COA5: variants seen among roughly 807,000 people sequenced by gnomAD.
The protein encoded by COA5 is cytochrome c oxidase assembly factor 5.
Under a neutral mutation model 11.8 loss-of-function variants are expected in COA5, and 11 were observed. That is an observed-to-expected ratio of 0.93 (90% confidence interval 0.59 to 1.54). COA5 has a LOEUF of 1.54. Ranked by LOEUF, COA5 falls within the 40% of genes most tolerant of loss-of-function variation. The pLI is 0.00. For synonymous variants in COA5, 38 were observed against 37.5 expected (o/e 1.01, Z -0.05); for missense variants, 87 against 89.2 (o/e 0.97, Z 0.10).
Position 98,600,265 on chromosome 2 carries a change from A to C in COA5, c.*487T>G, listed in dbSNP as rs1700623634. 5.7e-6 allele frequency: 1 copy of C among 176,520 alleles called. No individual in the cohort carries two copies. Among genetic ancestry groups the C allele is most frequent in the Admixed American group, 5.5e-5 (1 of 18,046 alleles). The allele number at this position is 176,520 out of a possible 1,614,324, so 10.9% of individuals were successfully genotyped here. A position where few individuals can be genotyped will look rare whatever the true frequency, so the allele number is the denominator to read the frequency against. ...ACTTCAGTGAATCAGAGCACAAATG[A>C]AGTATTTCTTCTCTAAGGAATCAAA... On this transcript the variant is annotated 3_prime_UTR_variant, in exon 3 of 3. Coordinates refer to ENST00000328709, the MANE Select transcript of COA5 (RefSeq NM_001008215.3).
At position 98,608,474 on chromosome 2, in the gene COA5, G is replaced by A. The variant is rs187846327; in HGVS notation, c.-69C>T. ...CAACACTTGCAACCGGGTCGGGAGC[G>A]AGCGAGGCCCCAGTCTCAGGGGACC... On this transcript the variant is annotated 5_prime_UTR_variant, in exon 1 of 3. Coordinates refer to ENST00000328709, the MANE Select transcript of COA5 (RefSeq NM_001008215.3). 8.1e-7 allele frequency: 1 copy of A among 1,233,802 alleles called. No individual in the cohort carries two copies. The highest frequency in any genetic ancestry group is 1.2e-6 in the Non-Finnish European group (1 of 867,522). 76.4% of individuals were successfully genotyped at this position (1,233,802 alleles called of 1,614,324 possible).
In COA5 at chr2:98,604,122, A is replaced by G. The variant is rs1559144711; in HGVS notation, c.169T>C (p.Cys57Arg). 2 of 1,613,584 alleles carry G rather than the reference A, an allele frequency of 1.2e-6. No individual in the cohort carries two copies. The highest frequency in any genetic ancestry group is 1.7e-6 in the Non-Finnish European group (2 of 1,179,564). ...TAACCACTTACCACTGATCTTTTACACTCAAAAAATGCGTACTTCAAAGAG... is the reference window on the plus strand; with the variant it reads ...TAACCACTTACCACTGATCTTTTACGCTCAAAAAATGCGTACTTCAAAGAG... ...CNSLKYAFFECKRSVLDNRAR... is the reference protein window; with the variant it reads ...CNSLKYAFFERKRSVLDNRAR... Residue 57 changes from cysteine (C) to arginine (R), a missense_variant, in exon 2 of 3, where the codon TGT (cysteine) becomes CGT (arginine). Transcript: ENST00000328709.
chr2:98,608,487 G>C lies in COA5; in HGVS notation c.-82C>G, dbSNP rs954456878. On this transcript the variant is annotated 5_prime_UTR_variant, in exon 1 of 3. Coordinates refer to ENST00000328709, the MANE Select transcript of COA5 (RefSeq NM_001008215.3). The stretch of plus-strand genomic sequence containing the variant: ...CGGGTCGGGAGCGAGCGAGGCCCCA[G>C]TCTCAGGGGACCGGAAGCCAGCGGC... The C allele has an allele frequency of 4.3e-5, 47 of 1,103,100 alleles. No individual in the cohort carries two copies. In the South Asian group the frequency reaches 6.1e-4, roughly 14 times the overall value. The allele number at this position is 1,103,100 out of a possible 1,614,324, so 68.3% of individuals were successfully genotyped here.
At chr2:98,604,274 CTT>C in intron 1 of COA5, 83 bp from the exon 2 acceptor site, 1 of 1,095,166 alleles carries the variant, frequency 9.1e-7, no homozygotes, top group Non-Finnish European at 1.4e-6. Flanking sequence ...GAAAATAGTC[CTT>C]TTTAAAAGTG....
At position 98,604,211 on chromosome 2, in the gene COA5, C is replaced by CT. The variant is rs1259237162; in HGVS notation, c.100-21_100-20insA. ...TCCTTCCTATGACAGACACATAAAA[C>CT]AATATAAACACCTTGGAAATTTTCT... On this transcript the variant is annotated intron_variant, in intron 1 of 2. Transcript: ENST00000328709. 3 of 1,563,704 alleles carry CT rather than the reference C, an allele frequency of 1.9e-6. No homozygotes were observed. In the South Asian group the frequency reaches 3.3e-5, roughly 17 times the overall value.
At chr2:98,608,140 G>C (rs1700736458) in intron 1 of COA5, 167 bp downstream of exon 1, 4 of 634,672 alleles carry the variant, frequency 6.3e-6, no homozygotes, top group Non-Finnish European at 1.1e-5. Context: ...CAGGGAACTG[G>C]GGCTCCGACA....
intron 1 of COA5, chr2:98,604,902 A>G (rs1436463745): frequency 6.6e-6 from 1 of 152,430 alleles, no homozygotes; most frequent in East Asian, 1.9e-4. Flanking sequence ...AGTGGATAAG[A>G]GTAGCAGGTT....
chr2:98,608,484 C>T lies in COA5; in HGVS notation c.-79G>A, dbSNP rs1700745918. On this transcript the variant is annotated 5_prime_UTR_variant, in exon 1 of 3. Coordinates refer to ENST00000328709, the MANE Select transcript of COA5 (RefSeq NM_001008215.3). ...AACCGGGTCGGGAGCGAGCGAGGCC[C>T]CAGTCTCAGGGGACCGGAAGCCAGC... 8.6e-7 allele frequency: 1 copy of T among 1,160,232 alleles called. No individual in the cohort carries two copies. The highest frequency in any genetic ancestry group is 1.2e-6 in the Non-Finnish European group (1 of 801,182). 71.9% of individuals were successfully genotyped at this position (1,160,232 alleles called of 1,614,324 possible).
In COA5 at chr2:98,600,006, A is replaced by G. The variant is rs1443291562; in HGVS notation, c.*746T>C. On this transcript the variant is annotated 3_prime_UTR_variant, in exon 3 of 3. Transcript: ENST00000328709. ...ATCCTGGGAAGACCAGAGTCCTTTT[A>G]TAGATTTGATTTGTGGACCCTGAAA... 2.6e-5 allele frequency: 4 copies of G among 152,326 alleles called. No individual in the cohort carries two copies. The highest frequency in any genetic ancestry group is 2.6e-4 in the Admixed American group (4 of 15,288). The allele number at this position is 152,326 out of a possible 1,614,324, so 9.4% of individuals were successfully genotyped here.
At position 98,608,435 on chromosome 2, in the gene COA5, A is replaced by C; in HGVS notation, c.-30T>G. ...GCGCTTCCCCTCCGATGCGGACGCG[A>C]CTTTCTCCCACCGCAACACTTGCAA... On this transcript the variant is annotated 5_prime_UTR_variant, in exon 1 of 3. Transcript: ENST00000328709. 1 of 1,501,514 alleles carries C rather than the reference A, an allele frequency of 6.7e-7. No individual in the cohort carries two copies. The highest frequency in any genetic ancestry group is 9.1e-7 in the Non-Finnish European group (1 of 1,101,124). The allele number at this position is 1,501,514 out of a possible 1,614,324, so 93.0% of individuals were successfully genotyped here. A position where few individuals can be genotyped will look rare whatever the true frequency, so the allele number is the denominator to read the frequency against.
chr2:98,602,648 CAAAAAAA>C, intron 2 of COA5: 1 of 70,350 alleles, frequency 1.4e-5, no homozygotes, highest in Non-Finnish European at 2.9e-5. Flanking sequence ...GACTCCATCT[CAAAAAAA>C]AAAAAAAAAA....
intron 1 of COA5, among the ~76,000 whole-genome samples, chr2:98,606,986 A>C (rs1452029675): frequency 6.6e-6 from 1 of 152,028 alleles, no homozygotes; most frequent in Non-Finnish European, 1.5e-5. Context: ...CTACTACTCA[A>C]CTTTTAAGAC....
At position 98,608,305 on chromosome 2, in the gene COA5, A is replaced by C; in HGVS notation, c.99+2T>G. The C allele has an allele frequency of 6.3e-7, 1 of 1,596,954 alleles. No homozygotes were observed. The highest frequency in any genetic ancestry group is 8.5e-7 in the Non-Finnish European group (1 of 1,172,708). ...ACCACCGGGAGCGCCCGGCCGCGCT[A>C]CCTGGACCACACAGTCCGACTGCAG... On this transcript the variant is annotated splice_donor_variant, in intron 1 of 2. Transcript: ENST00000328709. LOFTEE classifies it high-confidence loss of function.
Position 98,608,212 on chromosome 2 carries a change from C to T in COA5, c.99+95G>A, listed in dbSNP as rs183231511. 2,123 of 930,884 alleles carry T rather than the reference C, an allele frequency of 2.3e-3. 5 individuals are homozygous for T. The highest frequency in any genetic ancestry group is 0.018 in the Middle Eastern group (56 of 3,180). The allele number at this position is 930,884 out of a possible 1,614,324, so 57.7% of individuals were successfully genotyped here. Reference sequence around the variant, plus strand: ...TGTGACCTACGCCCGGGATGGTTAACTCCAACCGCCGCCGCGGGCGACCCG... The same window carrying T: ...TGTGACCTACGCCCGGGATGGTTAATTCCAACCGCCGCCGCGGGCGACCCG... On this transcript the variant is annotated intron_variant, in intron 1 of 2. Coordinates refer to ENST00000328709, the MANE Select transcript of COA5 (RefSeq NM_001008215.3).
In COA5 at chr2:98,608,423, G is replaced by A; in HGVS notation, c.-18C>T. 2.6e-6 allele frequency: 4 copies of A among 1,565,772 alleles called. No homozygotes were observed. The highest frequency in any genetic ancestry group is 3.5e-6 in the Non-Finnish European group (4 of 1,153,774). On this transcript the variant is annotated 5_prime_UTR_variant, in exon 1 of 3. Coordinates refer to ENST00000328709, the MANE Select transcript of COA5 (RefSeq NM_001008215.3). ...TTAGGCATGACGGCGCTTCCCCTCCGATGCGGACGCGACTTTCTCCCACCG... is the reference window on the plus strand; with the variant it reads ...TTAGGCATGACGGCGCTTCCCCTCCAATGCGGACGCGACTTTCTCCCACCG...
At chr2:98,605,583 C>T (rs1700696633) in intron 1 of COA5, among the ~76,000 whole-genome samples, 1 of 152,230 alleles carries the variant, frequency 6.6e-6, no homozygotes, top group Non-Finnish European at 1.5e-5. Flanking sequence ...GTCTCTGTAA[C>T]ATGCACTTGA....
chr2:98,608,149 C>A, intron 1 of COA5, 158 bp downstream of exon 1: 1 of 646,102 alleles, frequency 1.5e-6, no homozygotes. Context: ...GGGGCTCCGA[C>A]AGCTCAGTGG....
rs755584729 is a variant in COA5 at position 98,608,415 on chromosome 2, T to TA, written c.-11_-10insT. On this transcript the variant is annotated 5_prime_UTR_variant, in exon 1 of 3. Transcript: ENST00000328709. ...CATAATACTTAGGCATGACGGCGCT[T>TA]CCCCTCCGATGCGGACGCGACTTTC... The TA allele has an allele frequency of 4.4e-6, 7 of 1,582,586 alleles. No individual in the cohort carries two copies. The South Asian group carries it at 8.0e-5, about 18-fold the overall frequency.
chr2:98,601,188 T>C (rs1700637158), intron 2 of COA5, among the ~76,000 whole-genome samples: 1 of 151,902 alleles, frequency 6.6e-6, no homozygotes, highest in Admixed American at 6.6e-5. Context: ...GAGGTTGCAG[T>C]GAGCCAAGAT....
Sources: gnomAD v4.1 joint callset for allele counts (sites outside exome capture counted in the v4.1 genomes callset) on GRCh38, gnomAD v4.1.1 for gene constraint, MANE v1.5 for transcripts, NCBI Gene and HGNC (gene_info 2026-07-23, HGNC 2026-07-21) for gene names.